Variants in SGSM3 observed in about 807,000 individuals in gnomAD.
The protein encoded by SGSM3 is small G protein signaling modulator 3.
In SGSM3, 96 loss-of-function variants were observed where a neutral mutation model predicts 100.5. That is an observed-to-expected ratio of 0.96 (90% confidence interval 0.81 to 1.13). SGSM3 has a LOEUF of 1.13. Among genes scored for constraint, SGSM3 ranks in the 50% most tolerant of loss-of-function variants. SGSM3 has a pLI of 0.00. For missense variants in SGSM3, 1,001 were observed against 1,015.8 expected (o/e 0.99, Z 0.20); for synonymous variants, 483 against 422.8 (o/e 1.14, Z -1.75).
chr22:40,383,492 G>C (rs2047928364), intron 1 of SGSM3, among the ~76,000 whole-genome samples: 1 of 150,982 alleles, frequency 6.6e-6, no homozygotes, highest in South Asian at 2.1e-4. Context: ...AAGTCAGTAG[G>C]AACAAGTAAA....
intron 10 of SGSM3, 116 bp downstream of exon 10, chr22:40,406,778 C>T (rs1347558393): frequency 1.4e-5 from 13 of 953,676 alleles, no homozygotes; most frequent in Non-Finnish European, 2.1e-5. Flanking sequence ...GCTCTGCCCC[C>T]CAGCCTGGCC....
Position 40,406,600 on chromosome 22 carries a change from G to C in SGSM3, c.1123G>C (p.Ala375Pro). 1 of 1,612,466 alleles carries C rather than the reference G, an allele frequency of 6.2e-7. No individual in the cohort carries two copies. The change falls in exon 10 of 22, where the codon GCC (alanine) becomes CCC (proline). Residue 375 changes from alanine to proline, a missense_variant. Ala to Pro is a conservative substitution (Grantham distance 27). Transcript: ENST00000248929. ...GGAGACTCAGCGCCGCAAGCACCTG[G>C]CCTATCTCATTGCAGACCAGGGCCA... is the stretch of plus-strand genomic sequence containing the variant. ...AVETQRRKHL[A>P]YLIADQGQLL... is the part of the protein sequence containing the mutation.
rs759023054 is a variant in SGSM3, at chr22:40,406,710, G to A, written c.1185+48G>A. On this transcript the variant is annotated intron_variant, in intron 10 of 21. Coordinates refer to ENST00000248929, the MANE Select transcript of SGSM3 (RefSeq NM_015705.6). ...ACCTTGACCCACAGCACACGGGGAG[G>A]AGGGGTCACCTTGAAGTTCAGAGCG... 2.0e-5 allele frequency: 30 copies of A among 1,486,970 alleles called. No individual in the cohort carries two copies. The African/African-American group carries it at 3.9e-4, about 19-fold the overall frequency. The allele number at this position is 1,486,970 out of a possible 1,614,324, so 92.1% of individuals were successfully genotyped here. A position where few individuals can be genotyped will look rare whatever the true frequency, so the allele number is the denominator to read the frequency against.
rs2051199826 is a variant in SGSM3 at position 40,404,623 on chromosome 22, G to C, written c.433G>C (p.Val145Leu). ...CTCTGAGCTGTCCTACCGCGAGATT[G>C]TGAAGAACAGCTCCAACGATGAGAC... ...RNSELSYREIVKNSSNDETIA... is the reference protein window; with the variant it reads ...RNSELSYREILKNSSNDETIA... Residue 145 changes from valine to leucine, a missense_variant, in exon 6 of 22, where the codon GTG becomes CTG. By Grantham distance (32) the Val-to-Leu change is conservative. Coordinates refer to ENST00000248929, the MANE Select transcript of SGSM3 (RefSeq NM_015705.6). 1.2e-6 allele frequency: 2 copies of C among 1,613,604 alleles called. No homozygotes were observed. The highest frequency in any genetic ancestry group is 1.3e-5 in the African/African-American group (1 of 75,040).
chr22:40,397,641 C>T (rs2050207728), intron 1 of SGSM3, among the ~76,000 whole-genome samples: 1 of 152,190 alleles, frequency 6.6e-6, no homozygotes, highest in Non-Finnish European at 1.5e-5. Context: ...TGTCTTCTCC[C>T]ACCATTCAGG....
chr22:40,406,268 T>TG, intron 9 of SGSM3, 45 bp downstream of exon 9: 2 of 1,606,384 alleles, frequency 1.2e-6, no homozygotes, highest in Non-Finnish European at 8.5e-7. Context: ...GCACCCGAGA[T>TG]GGGGGGCAGG....
At chr22:40,408,728 C>G (rs1326549205) in intron 17 of SGSM3, 31 bp downstream of exon 17, 1 of 1,613,924 alleles carries the variant, frequency 6.2e-7, no homozygotes, top group Non-Finnish European at 8.5e-7. Context: ...CTGGTGGGGT[C>G]ACCAGCAGTG....
chr22:40,403,358 A>G (rs2051005467), intron 4 of SGSM3, among the ~76,000 whole-genome samples: 1 of 152,156 alleles, frequency 6.6e-6, no homozygotes, highest in Non-Finnish European at 1.5e-5. Context: ...CATTCAACAG[A>G]TATCTCATGG....
At chr22:40,394,401 C>T (rs1236038723) in intron 1 of SGSM3, among the ~76,000 whole-genome samples, 1 of 152,084 alleles carries the variant, frequency 6.6e-6, no homozygotes. Flanking sequence ...TAATCCCAGC[C>T]CTTTGGGAGG....
chr22:40,396,254 A>G (rs571877441), intron 1 of SGSM3, among the ~76,000 whole-genome samples: 36 of 151,910 alleles, frequency 2.4e-4, no homozygotes, highest in African/African-American at 8.0e-4. Flanking sequence ...TCCCCTCCTC[A>G]CAGAGGAAAT....
At chr22:40,393,183 C>T (rs771276380) in intron 1 of SGSM3, among the ~76,000 whole-genome samples, 27 of 152,198 alleles carry the variant, frequency 1.8e-4, no homozygotes, top group Non-Finnish European at 3.7e-4. Context: ...GTGGCGCGAT[C>T]GTGGCTCACT....
chr22:40,391,158 A>C (rs2049304362), intron 1 of SGSM3, among the ~76,000 whole-genome samples: 1 of 152,206 alleles, frequency 6.6e-6, no homozygotes, highest in African/African-American at 2.4e-5. Flanking sequence ...TGGTTCTCAA[A>C]GTGTGTTCCC....
intron 10 of SGSM3, 37 bp downstream of exon 10, chr22:40,406,699 C>G: frequency 6.5e-7 from 1 of 1,535,050 alleles, no homozygotes; most frequent in South Asian, 1.1e-5. Flanking sequence ...TGACCCACAG[C>G]ACACGGGGAG....
rs747887042 is a variant in SGSM3 at position 40,408,986 on chromosome 22, G to T, written c.1956G>T (p.Val652=). 1 of 1,585,666 alleles carries T rather than the reference G, an allele frequency of 6.3e-7. No homozygotes were observed. The highest frequency in any genetic ancestry group is 1.1e-5 in the South Asian group (1 of 88,244). ...ATGCAGTGCATGCACAAATGGATGTGAAGCTCCGCTCACTGATCTGCGTGG... is the reference window on the plus strand; with the variant it reads ...ATGCAGTGCATGCACAAATGGATGTTAAGCTCCGCTCACTGATCTGCGTGG... The part of the protein sequence containing the change: ...THDAVHAQMD[V]KLRSLICVGL... The change falls in exon 19 of 22, where the codon GTG becomes GTT. Residue 652 remains valine (V), a synonymous_variant. Transcript: ENST00000248929.
At position 40,406,674 on chromosome 22, in the gene SGSM3, TG is replaced by T. The variant is rs748604688; in HGVS notation, c.1185+18del. ...CCAACCTCTCTCAGGTGGCCCAGGA[TG>T]GGGGGCCGCACCTTGACCCACAGCA... is the stretch of plus-strand genomic sequence containing the variant. On this transcript the variant is annotated intron_variant, in intron 10 of 21. Transcript: ENST00000248929. 1.4e-5 allele frequency: 22 copies of T among 1,600,966 alleles called. No homozygotes were observed. Among genetic ancestry groups the T allele is most frequent in the Non-Finnish European group, 1.8e-5 (21 of 1,171,106 alleles).
At chr22:40,385,487 G>A (rs1356923207) in intron 1 of SGSM3, among the ~76,000 whole-genome samples, 2 of 152,164 alleles carry the variant, frequency 1.3e-5, no homozygotes, top group Non-Finnish European at 1.5e-5. Flanking sequence ...AAAGGTTCTC[G>A]TGGGTGGAGA....
chr22:40,401,443 T>A (rs9611337), intron 2 of SGSM3, 150 bp from the exon 3 acceptor site: 141,967 of 549,042 alleles, frequency 0.26, 24,801 homozygotes, highest in African/African-American at 0.58. Context: ...GATGGGTTTC[T>A]CCATGTTGGC....
At chr22:40,376,059 A>G (rs1219536823) in intron 1 of SGSM3, among the ~76,000 whole-genome samples, 1 of 151,966 alleles carries the variant, frequency 6.6e-6, no homozygotes, top group Non-Finnish European at 1.5e-5. Context: ...AAAACTGGAA[A>G]AAAAAAAACA....
At chr22:40,405,612 C>T (rs1270610077) in intron 7 of SGSM3, 37 bp from the exon 8 acceptor site, 2 of 1,586,014 alleles carry the variant, frequency 1.3e-6, no homozygotes, top group Non-Finnish European at 1.7e-6. Context: ...TGCACAAAGA[C>T]CTGGGTAGAA....
Sources: gnomAD v4.1 joint callset for allele counts (sites outside exome capture counted in the v4.1 genomes callset) on GRCh38, gnomAD v4.1.1 for gene constraint, MANE v1.5 for transcripts, NCBI Gene and HGNC (gene_info 2026-07-23, HGNC 2026-07-21) for gene names.